Variants in BCL11B observed in about 807,000 individuals in gnomAD.
BCL11B encodes BCL11 transcription factor B, also known as B-cell lymphoma/leukemia 11B.
BCL11B carries 8 observed loss-of-function variants against 49.9 expected under a neutral mutation model. The observed-to-expected ratio is 0.16, with a 90% CI of 0.09 to 0.29. The LOEUF is 0.29. Among genes scored for constraint, BCL11B ranks in the 10% least tolerant of loss-of-function variants. BCL11B has a pLI of 1.00. For synonymous variants in BCL11B, 739 were observed against 637.4 expected (o/e 1.16, Z -2.40); for missense variants, 1,006 against 1,351.0 (o/e 0.74, Z 4.00).
intron 2 of BCL11B, among the ~76,000 whole-genome samples, chr14:99,255,502 A>G (rs374731701): frequency 7.4e-4 from 113 of 152,136 alleles, no homozygotes; most frequent in African/African-American, 2.4e-3. Flanking sequence ...CCTTTTATGA[A>G]ATCACATTTA....
At chr14:99,177,790 C>G (rs1424124241) in intron 3 of BCL11B, among the ~76,000 whole-genome samples, 1 of 152,024 alleles carries the variant, frequency 6.6e-6, no homozygotes, top group Admixed American at 6.5e-5. Flanking sequence ...ACTCTCTCCA[C>G]CAATCGATTA....
intron 3 of BCL11B, among the ~76,000 whole-genome samples, chr14:99,189,361 A>G (rs1042125776): frequency 2.6e-5 from 4 of 152,228 alleles, no homozygotes; most frequent in Admixed American, 2.6e-4. Flanking sequence ...AGAGGACTCT[A>G]AGATGCACCG....
chr14:99,237,228 T>C (rs1205511650), intron 2 of BCL11B, among the ~76,000 whole-genome samples: 2 of 146,254 alleles, frequency 1.4e-5, no homozygotes, highest in Admixed American at 1.3e-4. Flanking sequence ...TTTCATTTCT[T>C]TTTTTTTCTT....
Position 99,241,061 on chromosome 14 carries a change from C to T in BCL11B, c.428-9504G>A, listed in dbSNP as rs1022506301. On this transcript the variant is annotated intron_variant, in intron 2 of 3. Coordinates refer to ENST00000357195, the MANE Select transcript of BCL11B (RefSeq NM_138576.4). This position sits in a 1 kb window ranked among gnomAD's most constrained non-coding sequence, Gnocchi z 4.4. ...CTGTCTTTGAAACAGAGCTGATGTG[C>T]TGGACCTCAGACAGAATTGACTGCA... is the stretch of plus-strand genomic sequence containing the variant. 1.3e-5 allele frequency among the ~76,000 whole-genome samples: 2 copies of T among 152,012 alleles called. No individual in the cohort carries two copies. The highest frequency in any genetic ancestry group is 4.8e-5 in the African/African-American group (2 of 41,382).
In BCL11B at chr14:99,257,337, G is replaced by C. The variant is rs1254495605; in HGVS notation, c.427+134C>G. The C allele has an allele frequency of 1.5e-5, 19 of 1,236,024 alleles. No homozygotes were observed. The Admixed American group carries it at 4.8e-4, about 31-fold the overall frequency. 76.6% of individuals were successfully genotyped at this position (1,236,024 alleles called of 1,614,324 possible). On this transcript the variant is annotated intron_variant, in intron 2 of 3. Coordinates refer to ENST00000357195, the MANE Select transcript of BCL11B (RefSeq NM_138576.4). This position sits in a 1 kb window ranked among gnomAD's most constrained non-coding sequence, Gnocchi z 6.2. ...CCTGGATGGTGGACCCTCAGAAAGG[G>C]GGAGCCCCGGCTGGTGGCCCAGAGG...
Position 99,175,778 on chromosome 14 carries a change from G to C in BCL11B, c.1058C>G (p.Pro353Arg), listed in dbSNP as rs1886497501. 2 of 1,470,854 alleles carry C rather than the reference G, an allele frequency of 1.4e-6. No homozygotes were observed. Among genetic ancestry groups the C allele is most frequent in the African/African-American group, 1.5e-5 (1 of 67,554 alleles). The allele number at this position is 1,470,854 out of a possible 1,614,324, so 91.1% of individuals were successfully genotyped here. The change falls in exon 4 of 4, where the codon CCC (proline) becomes CGC (arginine). Residue 353 changes from proline to arginine, a missense_variant. Pro to Arg is a moderately radical substitution (Grantham distance 103). This residue lies in a region of BCL11B where 411 missense variants were observed against 542.2 expected (regional missense o/e 0.76). Coordinates refer to ENST00000357195, the MANE Select transcript of BCL11B (RefSeq NM_138576.4). ...CATGGCGGGCGAGTCGATGGCCATG[G>C]GGTTCAGGCGCATGACTCGGTCGAA... Reference protein sequence around the residue: ...SAFDRVMRLNPMAIDSPAMDF... With the variant: ...SAFDRVMRLNRMAIDSPAMDF...
Position 99,175,820 on chromosome 14 carries a change from G to C in BCL11B, c.1016C>G (p.Ala339Gly). 1.4e-6 allele frequency: 2 copies of C among 1,474,264 alleles called. No homozygotes were observed. The allele number at this position is 1,474,264 out of a possible 1,614,324, so 91.3% of individuals were successfully genotyped here. ...RLSAEEMGLV[A>G]QHPSAFDRVM... is the part of the protein sequence containing the mutation. ...TCGGTCGAAGGCACTGGGGTGCTGG[G>C]CGACGAGCCCCATCTCCTCGGCACT... Residue 339 changes from alanine (A) to glycine (G), a missense_variant, in exon 4 of 4, where the codon GCC becomes GGC. Around this residue, in one of 6 missense-constraint regions of BCL11B, gnomAD observed 411 missense variants for 542.2 expected, o/e 0.76. Transcript: ENST00000357195.
chr14:99,259,981 G>A lies in BCL11B; in HGVS notation c.59-2142C>T, dbSNP rs149460445. On this transcript the variant is annotated intron_variant, in intron 1 of 3. Transcript: ENST00000357195. ...CAATACTGTTTATATTGAAAAGCTC[G>A]CACCTTTAATTACCAATTACATATA... Among the ~76,000 whole-genome samples the A allele has an allele frequency of 1.3e-3, 195 of 152,132 alleles. 5 individuals carry two copies. The highest frequency in any genetic ancestry group is 4.1e-3 in the African/African-American group (169 of 41,496).
rs562101705 is a variant in BCL11B at position 99,248,406 on chromosome 14, A to C, written c.427+9065T>G. 6.6e-6 allele frequency among the ~76,000 whole-genome samples: 1 copy of C among 152,300 alleles called. No homozygotes were observed. The highest frequency in any genetic ancestry group is 2.4e-5 in the African/African-American group (1 of 41,568). On this transcript the variant is annotated intron_variant, in intron 2 of 3. Coordinates refer to ENST00000357195, the MANE Select transcript of BCL11B (RefSeq NM_138576.4). This position sits in a 1 kb window ranked among gnomAD's most constrained non-coding sequence, Gnocchi z 4.7. ...GGAGGCTCCCACTCCCTGTGTGCCC[A>C]GAGGTCACTGGCCGCCCCCAGCAGG...
In BCL11B at chr14:99,271,455, AAAG is replaced by A. The variant is rs2139987191; in HGVS notation, c.-240_-238del. On this transcript the variant is annotated 5_prime_UTR_variant, in exon 1 of 4. Transcript: ENST00000357195. ...ATGCTGTTTTTTGTTTTGTTTGCAA[AAAG>A]AAAAAAAAGGGAAGAAAAGCAAGAA... 5 of 249,444 alleles carry A rather than the reference AAAG, an allele frequency of 2.0e-5. No homozygotes were observed. Among genetic ancestry groups the A allele is most frequent in the African/African-American group, 8.9e-5 (4 of 45,168 alleles). 15.5% of individuals were successfully genotyped at this position (249,444 alleles called of 1,614,324 possible).
intron 1 of BCL11B, among the ~76,000 whole-genome samples, chr14:99,261,214 G>A (rs557770880): frequency 1.3e-5 from 2 of 152,122 alleles, no homozygotes; most frequent in Admixed American, 6.5e-5. Context: ...GGACCAAGTG[G>A]GCCTGAAAGC....
chr14:99,200,687 G>A (rs1388778315), intron 3 of BCL11B, among the ~76,000 whole-genome samples: 1 of 152,238 alleles, frequency 6.6e-6, no homozygotes, highest in Non-Finnish European at 1.5e-5. Context: ...AGACCCCCAT[G>A]GCCACATGTC....
rs889639563 is a variant in BCL11B at position 99,192,798 on chromosome 14, G to A, written c.641-16603C>T. On this transcript the variant is annotated intron_variant, in intron 3 of 3. Coordinates refer to ENST00000357195, the MANE Select transcript of BCL11B (RefSeq NM_138576.4). The surrounding 1 kb of genome is among the most constrained non-coding windows in gnomAD (Gnocchi z 4.0). Reference sequence around the variant, plus strand: ...TGAGGATGTGGAAAGATTCCAGAGCGTGCATGGAAGAGTCCTGCCTCTGGT... The same window carrying A: ...TGAGGATGTGGAAAGATTCCAGAGCATGCATGGAAGAGTCCTGCCTCTGGT... Among the ~76,000 whole-genome samples the A allele has an allele frequency of 4.6e-5, 7 of 152,190 alleles. No homozygotes were observed. The highest frequency in any genetic ancestry group is 9.7e-5 in the African/African-American group (4 of 41,442).
intron 2 of BCL11B, among the ~76,000 whole-genome samples, chr14:99,245,695 G>A (rs35604463): frequency 0.33 from 50,658 of 152,130 alleles, 9,580 homozygotes; most frequent in Non-Finnish European, 0.44. Flanking sequence ...CACGGTTTCG[G>A]GGAGGGGACC....
intron 3 of BCL11B, among the ~76,000 whole-genome samples, chr14:99,211,594 G>A (rs931298541): frequency 3.3e-5 from 5 of 152,152 alleles, no homozygotes; most frequent in South Asian, 2.1e-4. Context: ...GCATTCACAT[G>A]TACACAATGC....
At chr14:99,179,959 C>T (rs113884085) in intron 3 of BCL11B, among the ~76,000 whole-genome samples, 9 of 152,304 alleles carry the variant, frequency 5.9e-5, no homozygotes, top group South Asian at 2.1e-4. Flanking sequence ...TTTGAAAACT[C>T]GCTAAATATT....
At chr14:99,233,854 C>G (rs886447083) in intron 2 of BCL11B, among the ~76,000 whole-genome samples, 1 of 152,154 alleles carries the variant, frequency 6.6e-6, no homozygotes, top group African/African-American at 2.4e-5. Flanking sequence ...AGTCCACCTG[C>G]TCCAGGGACC....
intron 2 of BCL11B, among the ~76,000 whole-genome samples, chr14:99,239,929 A>G (rs941922439): frequency 1.3e-5 from 2 of 152,202 alleles, no homozygotes; most frequent in African/African-American, 4.8e-5. Flanking sequence ...TAAAAAGAAC[A>G]TAAAGAAAAC....
intron 3 of BCL11B, among the ~76,000 whole-genome samples, chr14:99,199,321 CTAAAT>C (rs1887274255): frequency 6.6e-6 from 1 of 152,148 alleles, no homozygotes; most frequent in Non-Finnish European, 1.5e-5. Flanking sequence ...GGTTAAATAG[CTAAAT>C]TAAATTATTG....
Sources: allele counts gnomAD v4.1 joint callset (sites outside exome capture counted in the v4.1 genomes callset), GRCh38; gene constraint gnomAD v4.1.1; regional missense constraint gnomAD v4.1.1; non-coding constraint Gnocchi (gnomAD v3.1); transcripts MANE v1.5; gene names NCBI Gene and HGNC (gene_info 2026-07-23, HGNC 2026-07-21).